Variants in VCPKMT observed in about 807,000 individuals in gnomAD.
VCPKMT encodes the protein protein N-lysine methyltransferase METTL21D.
In VCPKMT, 32 loss-of-function variants were observed where a neutral mutation model predicts 28.6. That is an observed-to-expected ratio of 1.12 (90% confidence interval 0.84 to 1.50). The LOEUF (loss-of-function observed/expected upper bound fraction) is 1.50. VCPKMT is among the 40% of genes most tolerant of loss of function. The probability of loss-of-function intolerance (pLI) is 0.00; values close to 1 mark genes in which losing one functional copy is unlikely to be tolerated. For synonymous variants in VCPKMT, 138 were observed against 111.4 expected, an observed-to-expected ratio of 1.24 and a Z score of -1.50; for missense variants, 366 against 285.0, an observed-to-expected ratio of 1.28 and a Z score of -2.05.
At chr14:50,111,235 C>CA (rs1223391159) in intron 5 of VCPKMT, 5 of 984,530 alleles carry the variant, frequency 5.1e-6, no homozygotes, top group African/African-American at 1.8e-5. Flanking sequence ...TTTCTGCCTC[C>CA]AAAAAATTCT....
chr14:50,112,395 GAAAAA>G (rs59968443), intron 5 of VCPKMT, among the ~76,000 whole-genome samples: 271 of 11,986 alleles, frequency 0.023, 2 homozygotes, highest in African/African-American at 0.095. Context: ...AAAAATACGA[GAAAAA>G]AAAAAAAAAA....
intron 5 of VCPKMT, among the ~76,000 whole-genome samples, chr14:50,110,015 G>A (rs987769352): frequency 1.3e-5 from 2 of 152,158 alleles, no homozygotes; most frequent in East Asian, 3.8e-4. Flanking sequence ...GGAGGCTGAG[G>A]TGGCAGAGCA....
chr14:50,107,661 G>C (rs73289731), downstream of VCPKMT, among the ~76,000 whole-genome samples: 1 of 152,150 alleles, frequency 6.6e-6, no homozygotes, highest in Non-Finnish European at 1.5e-5. Context: ...TCCAGAAGCA[G>C]AGAGGAATGT....
chr14:50,114,537 A>C (rs1882965016), intron 3 of VCPKMT, 133 bp from the exon 4 acceptor site: 3 of 599,348 alleles, frequency 5.0e-6, no homozygotes, highest in Non-Finnish European at 7.8e-6. Flanking sequence ...AACAAAGCAC[A>C]TGTAATTAAA....
chr14:50,111,327 T>C (rs1882642458), intron 5 of VCPKMT: 1 of 985,438 alleles, frequency 1.0e-6, no homozygotes, highest in African/African-American at 1.7e-5. Context: ...TGTGGCACCA[T>C]GCCACATAAA....
At chr14:50,115,985 G>A (rs1883150763) in intron 2 of VCPKMT, 74 bp from the exon 3 acceptor site, 1 of 1,595,924 alleles carries the variant, frequency 6.3e-7, no homozygotes, top group Non-Finnish European at 8.6e-7. Context: ...GAACCGGAAA[G>A]TCCCCTTCCA....
chr14:50,116,062 T>C lies in VCPKMT; in HGVS notation c.377+7A>G. ...TATCTTAAAACAAGCTGAAAGGCCA[T>C]ACAAACCATTTCAGTACCTTGGCTT... On this transcript the variant is annotated splice_region_variant and intron_variant, in intron 2 of 5. Coordinates refer to ENST00000395860, the MANE Select transcript of VCPKMT (RefSeq NM_024558.3). The C allele has an allele frequency of 1.2e-6, 2 of 1,605,552 alleles. No individual in the cohort carries two copies. Among genetic ancestry groups the C allele is most frequent in the South Asian group, 1.1e-5 (1 of 90,560 alleles).
At chr14:50,111,770 C>T in intron 5 of VCPKMT, 1 of 611,152 alleles carries the variant, frequency 1.6e-6, no homozygotes, top group Non-Finnish European at 2.0e-6. Flanking sequence ...CCTATGGTCC[C>T]AGGTACTCAG....
intron 5 of VCPKMT, chr14:50,111,490 T>A (rs1882655972): frequency 1.0e-6 from 1 of 985,360 alleles, no homozygotes; most frequent in Non-Finnish European, 1.2e-6. Flanking sequence ...ATAGAAAAAG[T>A]GTGGGCTTAT....
At chr14:50,112,532 C>T (rs1036323164) in intron 5 of VCPKMT, 83 bp downstream of exon 5, 30 of 803,864 alleles carry the variant, frequency 3.7e-5, no homozygotes, top group African/African-American at 5.3e-5. Context: ...TCAAAATCAA[C>T]GCCCATACCA....
intron 5 of VCPKMT, chr14:50,111,060 A>G (rs971673902): frequency 1.7e-6 from 1 of 594,048 alleles, no homozygotes. Flanking sequence ...TAAAAATTAG[A>G]AAGTGGTAAT....
the VCPKMT span, among the ~76,000 whole-genome samples, chr14:50,103,212 AG>A: frequency 6.6e-6 from 1 of 152,148 alleles, no homozygotes; most frequent in African/African-American, 2.4e-5. Context: ...ACACAATCCA[AG>A]GTTTTGTCAT....
intron 3 of VCPKMT, 145 bp downstream of exon 3, chr14:50,115,694 G>A (rs1054013138): frequency 2.4e-6 from 2 of 841,778 alleles, no homozygotes; most frequent in East Asian, 5.0e-5. Flanking sequence ...ATGGTCCCTG[G>A]TGACTTTTAT....
chr14:50,111,608 C>G (rs1465129268), intron 5 of VCPKMT: 9 of 985,276 alleles, frequency 9.1e-6, no homozygotes, highest in Non-Finnish European at 1.1e-5. Context: ...CCAGGCGCAG[C>G]AGCTCACACC....
chr14:50,114,524 TC>T, intron 3 of VCPKMT, 120 bp from the exon 4 acceptor site: 1 of 677,268 alleles, frequency 1.5e-6, no homozygotes, highest in South Asian at 3.4e-5. Context: ...TTTGAATCAA[TC>T]CAACAAAGCA....
downstream of VCPKMT, among the ~76,000 whole-genome samples, chr14:50,107,014 C>A (rs760176769): frequency 1.1e-4 from 16 of 152,330 alleles, 1 homozygote; most frequent in African/African-American, 3.6e-4. Flanking sequence ...GCCACCTCAC[C>A]CAGCCTCCTC....
rs1318771754 is a variant in VCPKMT, at chr14:50,109,565, A to G, written c.*134T>C. The G allele has an allele frequency of 2.1e-6, 3 of 1,408,698 alleles. No homozygotes were observed. Among genetic ancestry groups the G allele is most frequent in the Non-Finnish European group, 2.8e-6 (3 of 1,085,648 alleles). The allele number at this position is 1,408,698 out of a possible 1,614,324, so 87.3% of individuals were successfully genotyped here. A position where few individuals can be genotyped will look rare whatever the true frequency, so the allele number is the denominator to read the frequency against. On this transcript the variant is annotated 3_prime_UTR_variant, in exon 6 of 6. Transcript: ENST00000395860. ...AGACAGCCCCTGGTGGTCATCATCT[A>G]TACATCGGATCTCTAAGGACGTGCC...
chr14:50,115,437 C>T (rs1223091371), intron 3 of VCPKMT, among the ~76,000 whole-genome samples: 2 of 152,164 alleles, frequency 1.3e-5, no homozygotes, highest in African/African-American at 4.8e-5. Context: ...AGGCGTGAGC[C>T]ACCGCGCCCG....
At chr14:50,104,477 T>C (rs566257948), downstream of VCPKMT, among the ~76,000 whole-genome samples, 2 of 152,240 alleles carry the variant, frequency 1.3e-5, no homozygotes, top group Non-Finnish European at 2.9e-5. Context: ...TTTCTTTTTC[T>C]GTATTTCTAT....
Sources: gnomAD v4.1 joint callset for allele counts (sites outside exome capture counted in the v4.1 genomes callset) on GRCh38, gnomAD v4.1.1 for gene constraint, MANE v1.5 for transcripts, NCBI Gene and HGNC (gene_info 2026-07-23, HGNC 2026-07-21) for gene names.